Variants in DSCC1 observed in about 807,000 individuals in gnomAD.
DSCC1 encodes the protein sister chromatid cohesion protein DCC1.
A neutral mutation model predicts 48.2 loss-of-function variants in DSCC1; 32 were observed. That is an observed-to-expected ratio of 0.66 (90% CI 0.50 to 0.89). DSCC1 has a LOEUF of 0.89. DSCC1 is among the 40% of genes least tolerant of loss of function. DSCC1 has a pLI of 0.00. For missense variants in DSCC1, 421 were observed against 471.7 expected (o/e 0.89, Z 1.00); for synonymous variants, 150 against 171.5 (o/e 0.87, Z 0.98).
chr8:119,852,059 A>C (rs992943286), intron 2 of DSCC1, among the ~76,000 whole-genome samples: 5 of 152,212 alleles, frequency 3.3e-5, no homozygotes, highest in African/African-American at 1.2e-4. Flanking sequence ...CTATTCTAGT[A>C]ACATCATATG....
chr8:119,843,604 C>T lies in DSCC1; in HGVS notation c.716+5G>A. On this transcript the variant is annotated splice_donor_5th_base_variant and intron_variant, in intron 5 of 8. Transcript: ENST00000313655. ...TCTGGATAGACAAGAAATTAAAATA[C>T]TTACTCTGGCTCCAATGGTCCGAGT... 1 of 1,600,804 alleles carries T rather than the reference C, an allele frequency of 6.2e-7. No homozygotes were observed. Among genetic ancestry groups the T allele is most frequent in the South Asian group, 1.1e-5 (1 of 87,596 alleles).
chr8:119,852,831 T>C, intron 2 of DSCC1: 1 of 416,672 alleles, frequency 2.4e-6, no homozygotes, highest in Non-Finnish European at 4.1e-6. Flanking sequence ...AATTGGGACT[T>C]GAAAATCAAA....
rs781156572 is a variant in DSCC1 at position 119,842,799 on chromosome 8, T to TAACATTTAAGACAGTGTTCTATC, written c.723_745dup (p.Tyr249Ter). 1 of 1,604,132 alleles carries TAACATTTAAGACAGTGTTCTATC rather than the reference T, an allele frequency of 6.2e-7. No individual in the cohort carries two copies. The highest frequency in any genetic ancestry group is 1.1e-5 in the South Asian group (1 of 89,066). ...ACCTTCATCTACATATTTCTTCCCA[T>TAACATTTAAGACAGTGTTCTATC]AACATTTAAGACAGTGTTCTATCAT... On this transcript the variant is annotated stop_gained and frameshift_variant, in exon 6 of 9. Coordinates refer to ENST00000313655, the MANE Select transcript of DSCC1 (RefSeq NM_024094.3). LOFTEE classifies it high-confidence loss of function.
At chr8:119,847,512 TG>T (rs1826874347) in intron 3 of DSCC1, among the ~76,000 whole-genome samples, 2 of 151,858 alleles carry the variant, frequency 1.3e-5, no homozygotes, top group Admixed American at 6.6e-5. Context: ...ACAGGGGAAA[TG>T]GGAGTGATTG....
At chr8:119,851,861 A>G (rs775527873) in intron 2 of DSCC1, among the ~76,000 whole-genome samples, 7 of 152,204 alleles carry the variant, frequency 4.6e-5, no homozygotes, top group East Asian at 1.9e-4. Flanking sequence ...TAGAATTTCC[A>G]TAACAAGCAA....
chr8:119,848,043 C>T (rs189146057), intron 3 of DSCC1, among the ~76,000 whole-genome samples: 4 of 152,138 alleles, frequency 2.6e-5, no homozygotes, highest in Non-Finnish European at 5.9e-5. Flanking sequence ...GGTGTGATCA[C>T]GGCTCACTTA....
Position 119,834,848 on chromosome 8 carries a change from A to G in DSCC1, c.*45T>C. ...CAAGTTATTTTTCTTCTATCCAGCA[A>G]CTTTATAAAGCAACTTGAGTCCTGA... On this transcript the variant is annotated 3_prime_UTR_variant, in exon 9 of 9. Transcript: ENST00000313655. 1.5e-6 allele frequency: 2 copies of G among 1,332,228 alleles called. No homozygotes were observed. The highest frequency in any genetic ancestry group is 2.1e-6 in the Non-Finnish European group (2 of 936,012). 82.5% of individuals were successfully genotyped at this position (1,332,228 alleles called of 1,614,324 possible). A position where few individuals can be genotyped will look rare whatever the true frequency, so the allele number is the denominator to read the frequency against.
chr8:119,845,391 T>C (rs1826841489), intron 4 of DSCC1, among the ~76,000 whole-genome samples: 1 of 151,942 alleles, frequency 6.6e-6, no homozygotes, highest in Non-Finnish European at 1.5e-5. Context: ...GGCCATGAAA[T>C]GCCATTTTAT....
chr8:119,842,745 G>A, intron 6 of DSCC1, 31 bp downstream of exon 6: 1 of 1,576,302 alleles, frequency 6.3e-7, no homozygotes. Context: ...TAACATATAA[G>A]AGTTAAATGA....
intron 8 of DSCC1, among the ~76,000 whole-genome samples, chr8:119,835,398 T>C (rs1826664800): frequency 6.6e-6 from 1 of 151,780 alleles, no homozygotes; most frequent in African/African-American, 2.4e-5. Context: ...TCCCAGCTAC[T>C]TGGGAGGCTG....
At chr8:119,855,311 T>C (rs1206050979) in intron 1 of DSCC1, among the ~76,000 whole-genome samples, 2 of 152,232 alleles carry the variant, frequency 1.3e-5, no homozygotes, top group Non-Finnish European at 2.9e-5. Context: ...ACAGGTGTCC[T>C]GTAGAGTCCC....
At chr8:119,846,615 G>GT (rs1826860995) in intron 4 of DSCC1, among the ~76,000 whole-genome samples, 1 of 152,142 alleles carries the variant, frequency 6.6e-6, no homozygotes. Flanking sequence ...CTAAAGAATA[G>GT]TGGTGCCATC....
At chr8:119,847,297 G>T (rs2131304837) in intron 3 of DSCC1, among the ~76,000 whole-genome samples, 1 of 152,210 alleles carries the variant, frequency 6.6e-6, no homozygotes, top group Admixed American at 6.5e-5. Context: ...TTTGGGTGAT[G>T]GCTTATTAAA....
rs763373124 is a variant in DSCC1, at chr8:119,843,737, C to T, written c.588G>A (p.Arg196=). ...TCATCTCATAATCAAATTCAAGAAT[C>T]CTCCAATAACCTACAAATTTCAAAA... The part of the protein sequence containing the change: ...LNACKIGGYW[R]ILEFDYEMKL... Residue 196 remains arginine (R), a synonymous_variant, in exon 5 of 9, where the codon AGG becomes AGA. Coordinates refer to ENST00000313655, the MANE Select transcript of DSCC1 (RefSeq NM_024094.3). 2.9e-5 allele frequency: 47 copies of T among 1,601,496 alleles called. No individual in the cohort carries two copies. Among genetic ancestry groups the T allele is most frequent in the Non-Finnish European group, 3.9e-5 (46 of 1,177,002 alleles).
In DSCC1 at chr8:119,834,642, G is replaced by A. The variant is rs937017620; in HGVS notation, c.*251C>T. The A allele has an allele frequency of 2.7e-5, 9 of 334,482 alleles. No homozygotes were observed. The highest frequency in any genetic ancestry group is 4.8e-5 in the Non-Finnish European group (9 of 185,994). The allele number at this position is 334,482 out of a possible 1,614,324, so 20.7% of individuals were successfully genotyped here. On this transcript the variant is annotated 3_prime_UTR_variant, in exon 9 of 9. Coordinates refer to ENST00000313655, the MANE Select transcript of DSCC1 (RefSeq NM_024094.3). ...AGCCAAACTTTAAATAAATCATAGA[G>A]ACCTCAGACATAATATAGGAAAGAA...
intron 1 of DSCC1, among the ~76,000 whole-genome samples, chr8:119,855,306 T>A (rs570332375): frequency 2.2e-4 from 34 of 152,290 alleles, no homozygotes; most frequent in African/African-American, 7.7e-4. Flanking sequence ...GAGTGACAGG[T>A]GTCCTGTAGA....
At position 119,846,394 on chromosome 8, in the gene DSCC1, G is replaced by A. The variant is rs531783621; in HGVS notation, c.577+596C>T. The stretch of plus-strand genomic sequence containing the variant: ...CCCAAAGTGCTGGCATTACAGGCAT[G>A]AGCCACCATGCCCAGCTTGGACCTT... On this transcript the variant is annotated intron_variant, in intron 4 of 8. Coordinates refer to ENST00000313655, the MANE Select transcript of DSCC1 (RefSeq NM_024094.3). Among the ~76,000 whole-genome samples, 105 of 152,140 alleles carry A rather than the reference G, an allele frequency of 6.9e-4. No individual in the cohort carries two copies. In the Middle Eastern group the frequency reaches 0.014, roughly 20 times the overall value.
chr8:119,852,386 C>G (rs561170303), intron 2 of DSCC1, among the ~76,000 whole-genome samples: 1 of 152,294 alleles, frequency 6.6e-6, no homozygotes, highest in South Asian at 2.1e-4. Context: ...CAGAGTCTTG[C>G]TCTGTCACCC....
chr8:119,836,553 G>A (rs1168972033), intron 8 of DSCC1, among the ~76,000 whole-genome samples: 2 of 152,134 alleles, frequency 1.3e-5, no homozygotes, highest in Non-Finnish European at 2.9e-5. Flanking sequence ...CTAGACTTTA[G>A]TTTAAGTAAC....
Sources: allele counts gnomAD v4.1 joint callset (sites outside exome capture counted in the v4.1 genomes callset), GRCh38; gene constraint gnomAD v4.1.1; transcripts MANE v1.5; gene names NCBI Gene and HGNC (gene_info 2026-07-23, HGNC 2026-07-21).